Variants in POLQ observed in about 807,000 individuals in gnomAD.
POLQ encodes the protein epididymis secretory sperm binding protein.
A neutral mutation model predicts 259.2 loss-of-function variants in POLQ; 233 were observed. The observed-to-expected ratio is 0.90, with a 90% CI of 0.81 to 1.00. The LOEUF (loss-of-function observed/expected upper bound fraction) is 1.00, where lower values mean the gene tolerates loss of function less well. Ranked by LOEUF, POLQ falls within the 50% of genes least tolerant of loss-of-function variation. The probability of loss-of-function intolerance (pLI) is 0.00; values close to 1 mark genes in which losing one functional copy is unlikely to be tolerated. For missense variants in POLQ, 2,871 were observed against 3,051.6 expected (o/e 0.94, Z 1.39); for synonymous variants, 1,025 against 1,048.8 (o/e 0.98, Z 0.44).
chr3:121,480,524 T>C (rs1159160026), intron 19 of POLQ, among the ~76,000 whole-genome samples: 4 of 151,952 alleles, frequency 2.6e-5, no homozygotes, highest in Admixed American at 1.3e-4. Flanking sequence ...TCTCACTATG[T>C]GGTCCAGGCT....
chr3:121,454,447 A>G (rs1254433424), intron 25 of POLQ, among the ~76,000 whole-genome samples: 1 of 152,220 alleles, frequency 6.6e-6, no homozygotes, highest in Non-Finnish European at 1.5e-5. Flanking sequence ...CAAATTGGAT[A>G]AAGAGTCAAG....
At chr3:121,495,977 C>A (rs1470051159) in intron 14 of POLQ, among the ~76,000 whole-genome samples, 1 of 151,846 alleles carries the variant, frequency 6.6e-6, no homozygotes, top group Non-Finnish European at 1.5e-5. Context: ...TATAACACAC[C>A]CTCTTGTAGC....
intron 11 of POLQ, 36 bp from the exon 12 acceptor site, chr3:121,509,739 AAC>A: frequency 6.3e-7 from 1 of 1,576,598 alleles, no homozygotes; most frequent in Non-Finnish European, 8.6e-7. Context: ...CAGAGGAACA[AAC>A]ATTCAAAATA....
chr3:121,485,003 T>C (rs764093496), intron 17 of POLQ, 38 bp downstream of exon 17: 1 of 1,491,272 alleles, frequency 6.7e-7, no homozygotes, highest in Non-Finnish European at 9.2e-7. Flanking sequence ...GATGTTACAG[T>C]AATTACATAG....
chr3:121,442,224 C>CA (rs2047598462), intron 26 of POLQ, among the ~76,000 whole-genome samples: 1 of 152,110 alleles, frequency 6.6e-6, no homozygotes, highest in African/African-American at 2.4e-5. Flanking sequence ...ATGATACAGG[C>CA]ATGCAATGCA....
chr3:121,506,906 C>T (rs905770831), intron 12 of POLQ, among the ~76,000 whole-genome samples: 7 of 151,538 alleles, frequency 4.6e-5, no homozygotes, highest in African/African-American at 1.2e-4. Context: ...TCCACCTACA[C>T]GACAGAATTA....
intron 25 of POLQ, among the ~76,000 whole-genome samples, chr3:121,453,144 A>C (rs757655256): frequency 3.1e-4 from 47 of 152,212 alleles, no homozygotes; most frequent in Non-Finnish European, 6.2e-4. Flanking sequence ...TGGAGTGGAC[A>C]TCTAGCAAAC....
rs758304684 is a variant in POLQ at position 121,488,427 on chromosome 3, C to A, written c.4504G>T (p.Glu1502Ter). The change falls in exon 16 of 30, where the codon GAA becomes TAA. Residue 1502 changes from glutamate to a stop codon, truncating the protein, a stop_gained. Transcript: ENST00000264233. LOFTEE classifies it high-confidence loss of function. ...TTCATTTGCATATCAGGTAATTGTT[C>A]TTTTACTAGATAGTCATCACTGAAG... Reference protein sequence around the residue: ...DSFSDDYLVKEQLPDMQMKEP... With the variant: ...DSFSDDYLVK 6.2e-7 allele frequency: 1 copy of A among 1,612,802 alleles called. No homozygotes were observed. The highest frequency in any genetic ancestry group is 1.1e-5 in the South Asian group (1 of 90,808).
intron 5 of POLQ, among the ~76,000 whole-genome samples, chr3:121,534,357 TCTAG>T (rs2048435559): frequency 6.6e-6 from 1 of 151,858 alleles, no homozygotes; most frequent in South Asian, 2.1e-4. Flanking sequence ...TGAGACAGGG[TCTAG>T]CTCTGTCACC....
In POLQ at chr3:121,529,871, T is replaced by C; in HGVS notation, c.961-79A>G. ...ATCAGTTTAAAAGCACTCATTTTCC[T>C]TTCTGGGGAAGCTTTTTCTTCTTTA... is the stretch of plus-strand genomic sequence containing the variant. On this transcript the variant is annotated intron_variant, in intron 6 of 29. Transcript: ENST00000264233. 4.6e-6 allele frequency: 5 copies of C among 1,083,220 alleles called. No individual in the cohort carries two copies. In the South Asian group the frequency reaches 6.9e-5, roughly 15 times the overall value. The allele number at this position is 1,083,220 out of a possible 1,614,324, so 67.1% of individuals were successfully genotyped here.
At chr3:121,476,789 C>T in intron 19 of POLQ, 56 bp from the exon 20 acceptor site, 1 of 1,180,650 alleles carries the variant, frequency 8.5e-7, no homozygotes, top group Non-Finnish European at 1.2e-6. Flanking sequence ...GCTAGATCAG[C>T]AGCCTTACCT....
chr3:121,455,064 C>A (rs1312501056), intron 25 of POLQ, among the ~76,000 whole-genome samples: 1 of 151,788 alleles, frequency 6.6e-6, no homozygotes, highest in African/African-American at 2.4e-5. Flanking sequence ...AACTAGAACT[C>A]AGGATTAAGA....
intron 25 of POLQ, among the ~76,000 whole-genome samples, chr3:121,455,852 G>A (rs966727522): frequency 9.9e-5 from 15 of 152,130 alleles, no homozygotes; most frequent in Non-Finnish European, 2.2e-4. Flanking sequence ...CCAATCAATA[G>A]AAAAAGAGGA....
At position 121,432,202 on chromosome 3, in the gene POLQ, T is replaced by C; in HGVS notation, c.*102A>G. ...TTACTAGGCTAAGTCTATCAAGACTTGAAAGTTTGTTTTGCTGAGGTAGGT... is the reference window on the plus strand; with the variant it reads ...TTACTAGGCTAAGTCTATCAAGACTCGAAAGTTTGTTTTGCTGAGGTAGGT... On this transcript the variant is annotated 3_prime_UTR_variant, in exon 30 of 30. Coordinates refer to ENST00000264233, the MANE Select transcript of POLQ (RefSeq NM_199420.4). 1 of 1,081,156 alleles carries C rather than the reference T, an allele frequency of 9.2e-7. No homozygotes were observed. Among genetic ancestry groups the C allele is most frequent in the Non-Finnish European group, 1.3e-6 (1 of 775,604 alleles). 67.0% of individuals were successfully genotyped at this position (1,081,156 alleles called of 1,614,324 possible).
At chr3:121,516,582 T>C (rs368112830) in intron 9 of POLQ, among the ~76,000 whole-genome samples, 1 of 152,180 alleles carries the variant, frequency 6.6e-6, no homozygotes, top group African/African-American at 2.4e-5. Context: ...GAAGTTGAAA[T>C]TATTTAGAAT....
At chr3:121,445,099 G>C (rs2047622073) in intron 26 of POLQ, among the ~76,000 whole-genome samples, 1 of 152,150 alleles carries the variant, frequency 6.6e-6, no homozygotes, top group South Asian at 2.1e-4. Context: ...TCTGGTTTTG[G>C]TATTAGGGTA....
intron 2 of POLQ, among the ~76,000 whole-genome samples, chr3:121,543,982 CA>C (rs890108103): frequency 1.3e-3 from 167 of 128,906 alleles, no homozygotes; most frequent in Admixed American, 1.1e-3. Flanking sequence ...GACTCCATCT[CA>C]AAAAAAAAAA....
intron 7 of POLQ, 110 bp from the exon 8 acceptor site, chr3:121,522,259 G>A (rs1008906381): frequency 1.0e-5 from 4 of 388,804 alleles, no homozygotes; most frequent in African/African-American, 2.2e-5. Context: ...TGAAACTGCT[G>A]CATACTATAT....
At chr3:121,464,268 T>A (rs963003568) in intron 24 of POLQ, among the ~76,000 whole-genome samples, 1 of 152,166 alleles carries the variant, frequency 6.6e-6, no homozygotes, top group Non-Finnish European at 1.5e-5. Flanking sequence ...GGCTCACACC[T>A]GTAATCCCAA....
Sources: gnomAD v4.1 joint callset for allele counts (sites outside exome capture counted in the v4.1 genomes callset) on GRCh38, gnomAD v4.1.1 for gene constraint, MANE v1.5 for transcripts, NCBI Gene and HGNC (gene_info 2026-07-23, HGNC 2026-07-21) for gene names.